The following PCDHGB5 variants were observed in gnomAD, a reference collection of about 807,000 sequenced individuals.
PCDHGB5 encodes the protein protocadherin gamma subfamily B, 5, also known as protocadherin gamma-B5.
PCDHGB5 carries 48 observed loss-of-function variants against 62.9 expected under a neutral mutation model. The observed-to-expected ratio is 0.76, with a 90% CI of 0.61 to 0.97. The LOEUF (loss-of-function observed/expected upper bound fraction) is 0.97. Ranked by LOEUF, PCDHGB5 falls within the 50% of genes least tolerant of loss-of-function variation. The pLI is 0.00. For missense variants in PCDHGB5, 1,118 were observed against 1,198.6 expected, an observed-to-expected ratio of 0.93 and a Z score of 0.99; for synonymous variants, 474 against 511.2, an observed-to-expected ratio of 0.93 and a Z score of 0.98.
chr5:141,453,302 T>C (rs189741118), intron 1 of PCDHGB5, among the ~76,000 whole-genome samples: 18 of 152,008 alleles, frequency 1.2e-4, no homozygotes, highest in Middle Eastern at 6.8e-3. Flanking sequence ...TTTATTTATT[T>C]ATTTATTTAT....
intron 1 of PCDHGB5, among the ~76,000 whole-genome samples, chr5:141,484,645 T>C (rs948669787): frequency 1.3e-5 from 2 of 151,970 alleles, no homozygotes; most frequent in Admixed American, 6.6e-5. Context: ...CACTCTCCAA[T>C]GGCTACTCTC....
At chr5:141,481,441 T>C (rs1397908285) in intron 1 of PCDHGB5, among the ~76,000 whole-genome samples, 1 of 152,250 alleles carries the variant, frequency 6.6e-6, no homozygotes, top group East Asian at 1.9e-4. Context: ...ATCAGTTTAG[T>C]ACATGTAAAT....
intron 1 of PCDHGB5, chr5:141,409,865 C>A: frequency 6.2e-7 from 1 of 1,612,574 alleles, no homozygotes; most frequent in Non-Finnish European, 8.5e-7. Flanking sequence ...GGTGGGAGAC[C>A]GCAATGACAA....
At chr5:141,451,124 A>T (rs2098707796) in intron 1 of PCDHGB5, among the ~76,000 whole-genome samples, 1 of 152,102 alleles carries the variant, frequency 6.6e-6, no homozygotes, top group Non-Finnish European at 1.5e-5. Context: ...CACCACACCC[A>T]GCCTTATGAT....
intron 1 of PCDHGB5, among the ~76,000 whole-genome samples, chr5:141,461,345 G>A (rs1277222105): frequency 1.3e-5 from 2 of 152,102 alleles, no homozygotes; most frequent in African/African-American, 4.8e-5. Context: ...CAGGACCAAG[G>A]TGGTAGCTCG....
Position 141,415,740 on chromosome 5 carries a change from GTTTTTTTTTTTTTTTT to G in PCDHGB5, c.2397+15233_2397+15248del, listed in dbSNP as rs57426385. 54 of 625,040 alleles carry G rather than the reference GTTTTTTTTTTTTTTTT, an allele frequency of 8.6e-5. 1 individual carries two copies. The East Asian group carries it at 1.4e-3, about 16-fold the overall frequency. The allele number at this position is 625,040 out of a possible 1,614,324, so 38.7% of individuals were successfully genotyped here. ...TGAGTAGAATTTGATGTTTATTAAG[GTTTTTTTTTTTTTTTT>G]TTTTTTTTTTTTTTTTACTTTCTGG... On this transcript the variant is annotated intron_variant, in intron 1 of 3. Transcript: ENST00000617380.
Position 141,431,349 on chromosome 5 carries a change from A to G in PCDHGB5, c.2397+30825A>G. 1.2e-6 allele frequency: 2 copies of G among 1,614,026 alleles called. No individual in the cohort carries two copies. The highest frequency in any genetic ancestry group is 4.5e-5 in the East Asian group (2 of 44,874). On this transcript the variant is annotated intron_variant, in intron 1 of 3. Coordinates refer to ENST00000617380, the MANE Select transcript of PCDHGB5 (RefSeq NM_018925.3). This position sits in a 1 kb window ranked among gnomAD's most constrained non-coding sequence, Gnocchi z 4.8. ...AGTAAGTACCCCGAATTGGTGCTGAAACGCGCCCTGGACCGCGAAGAAAAG... is the reference window on the plus strand; with the variant it reads ...AGTAAGTACCCCGAATTGGTGCTGAGACGCGCCCTGGACCGCGAAGAAAAG...
In PCDHGB5 at chr5:141,491,365, T is replaced by A. The variant is rs201011046; in HGVS notation, c.2398-3442T>A. ...CGTCAGTCTCTTATCCCTAGTCACC[T>A]TCACCTTTCTGTCAGCGAAGTGCCT... On this transcript the variant is annotated intron_variant, in intron 1 of 3. Transcript: ENST00000617380. This position sits in a 1 kb window ranked among gnomAD's most constrained non-coding sequence, Gnocchi z 6.9. 1.7e-5 allele frequency: 27 copies of A among 1,614,016 alleles called. No individual in the cohort carries two copies. The highest frequency in any genetic ancestry group is 2.0e-5 in the Non-Finnish European group (24 of 1,179,982).
chr5:141,416,098 G>A (rs745507614), intron 1 of PCDHGB5: 19 of 160,674 alleles, frequency 1.2e-4, no homozygotes, highest in Non-Finnish European at 8.1e-5. Flanking sequence ...AAGGGCAATA[G>A]GCCTTTTTCA....
chr5:141,455,492 T>G (rs958076901), intron 1 of PCDHGB5, among the ~76,000 whole-genome samples: 10 of 152,188 alleles, frequency 6.6e-5, no homozygotes, highest in Non-Finnish European at 1.2e-4. Context: ...GGAGGTGATG[T>G]CTGATTTGCA....
chr5:141,403,627 A>G lies in PCDHGB5; in HGVS notation c.2397+3103A>G, dbSNP rs1187522360. ...GCGGCGAGCCGCGTCGCTCCAGCAC[A>G]GTGCGCATCCATGTGACAGTGTTGG... On this transcript the variant is annotated intron_variant, in intron 1 of 3. Coordinates refer to ENST00000617380, the MANE Select transcript of PCDHGB5 (RefSeq NM_018925.3). 4 of 1,613,922 alleles carry G rather than the reference A, an allele frequency of 2.5e-6. No individual in the cohort carries two copies. The East Asian group carries it at 8.9e-5, about 36-fold the overall frequency.
chr5:141,419,939 G>C, intron 1 of PCDHGB5: 6 of 1,614,054 alleles, frequency 3.7e-6, no homozygotes, highest in Admixed American at 1.7e-5. Flanking sequence ...TTACCTGGTG[G>C]TGGCCTTGGC....
intron 1 of PCDHGB5, chr5:141,413,265 T>A (rs1301684620): frequency 6.2e-7 from 1 of 1,613,840 alleles, no homozygotes; most frequent in African/African-American, 1.3e-5. Context: ...CATGGGAGGC[T>A]GGAGCCCGGC....
chr5:141,487,968 T>C lies in PCDHGB5; in HGVS notation c.2398-6839T>C, dbSNP rs2099670029. Among the ~76,000 whole-genome samples the C allele has an allele frequency of 6.6e-6, 1 of 152,236 alleles. No individual in the cohort carries two copies. The highest frequency in any genetic ancestry group is 1.5e-5 in the Non-Finnish European group (1 of 68,050). On this transcript the variant is annotated intron_variant, in intron 1 of 3. Transcript: ENST00000617380. This position sits in a 1 kb window ranked among gnomAD's most constrained non-coding sequence, Gnocchi z 5.0. The stretch of plus-strand genomic sequence containing the variant: ...AGGCAGTCACTTGGACAAAGGTGGC[T>C]GTTTTCTCTACTCTTCCTGAAAGAG...
intron 1 of PCDHGB5, among the ~76,000 whole-genome samples, chr5:141,460,612 T>C (rs1215147315): frequency 6.6e-6 from 1 of 152,128 alleles, no homozygotes; most frequent in African/African-American, 2.4e-5. Flanking sequence ...GTTAGATGGA[T>C]AGATAGACAG....
chr5:141,431,681 G>A lies in PCDHGB5; in HGVS notation c.2397+31157G>A. The A allele has an allele frequency of 6.2e-7, 1 of 1,614,214 alleles. No homozygotes were observed. The highest frequency in any genetic ancestry group is 1.1e-5 in the South Asian group (1 of 91,086). ...GACAATATCAACAATAGGGGAGTTG[G>A]ACCACGAGGAGTCAGGATTCTACCA... On this transcript the variant is annotated intron_variant, in intron 1 of 3. Coordinates refer to ENST00000617380, the MANE Select transcript of PCDHGB5 (RefSeq NM_018925.3). This position sits in a 1 kb window ranked among gnomAD's most constrained non-coding sequence, Gnocchi z 4.8.
intron 1 of PCDHGB5, chr5:141,423,087 G>C (rs756067751): frequency 1.2e-6 from 2 of 1,613,936 alleles, no homozygotes; most frequent in African/African-American, 1.3e-5. Context: ...TCTTCGCGGT[G>C]GGGGAGCACA....
chr5:141,428,117 G>A lies in PCDHGB5; in HGVS notation c.2397+27593G>A, dbSNP rs980705077. 5 of 1,606,984 alleles carry A rather than the reference G, an allele frequency of 3.1e-6. No individual in the cohort carries two copies. The African/African-American group carries it at 6.7e-5, about 21-fold the overall frequency. Reference sequence around the variant, plus strand: ...CCTACCACGTGCTGCAGGCCATCGAGCCCGGGCTTTTCAGCCTGGGGCTGC... The same window carrying A: ...CCTACCACGTGCTGCAGGCCATCGAACCCGGGCTTTTCAGCCTGGGGCTGC... On this transcript the variant is annotated intron_variant, in intron 1 of 3. Coordinates refer to ENST00000617380, the MANE Select transcript of PCDHGB5 (RefSeq NM_018925.3).
Position 141,432,943 on chromosome 5 carries a change from A to G in PCDHGB5, c.2397+32419A>G, listed in dbSNP as rs1200038728. ...ACAAGTCACGCCTGCTGCAGGCTTC[A>G]GGAGGCGGCTTGACAGGAGCGCCGG... On this transcript the variant is annotated intron_variant, in intron 1 of 3. Transcript: ENST00000617380. This position sits in a 1 kb window ranked among gnomAD's most constrained non-coding sequence, Gnocchi z 6.0. 5.6e-6 allele frequency: 9 copies of G among 1,614,168 alleles called. No homozygotes were observed. The highest frequency in any genetic ancestry group is 1.7e-4 in the Middle Eastern group (1 of 6,060).
Sources: allele counts gnomAD v4.1 joint callset (sites outside exome capture counted in the v4.1 genomes callset), GRCh38; gene constraint gnomAD v4.1.1; non-coding constraint Gnocchi (gnomAD v3.1); transcripts MANE v1.5; gene names NCBI Gene and HGNC (gene_info 2026-07-23, HGNC 2026-07-21).